ACER1: variants seen among roughly 807,000 people sequenced by gnomAD.
ACER1 encodes alkaline ceramidase 1.
ACER1 carries 28 observed loss-of-function variants against 24.9 expected under a neutral mutation model. That is an observed-to-expected ratio of 1.13 (90% confidence interval 0.83 to 1.54). The LOEUF (loss-of-function observed/expected upper bound fraction) is 1.54, where lower values mean the gene tolerates loss of function less well. Among genes scored for constraint, ACER1 ranks in the 40% most tolerant of loss-of-function variants. ACER1 has a pLI of 0.00. For synonymous variants in ACER1, 132 were observed against 131.4 expected (o/e 1.00, Z -0.03); for missense variants, 352 against 349.3 (o/e 1.01, Z -0.06).
At chr19:6,353,632 C>T in the ACER1 span, among the ~76,000 whole-genome samples, 1 of 151,740 alleles carries the variant, frequency 6.6e-6, no homozygotes, top group Non-Finnish European at 1.5e-5. Context: ...TCAAGACCAG[C>T]TTGACCAACA....
chr19:6,312,310 C>A lies in ACER1; in HGVS notation c.209-20G>T. On this transcript the variant is annotated intron_variant, in intron 2 of 5. Transcript: ENST00000301452. ...ACAGGCCTGCAGCGGCAAGGGCAGG[C>A]GGTCAGTGGGGTCCGCCACCTCCTA... 1 of 1,613,658 alleles carries A rather than the reference C, an allele frequency of 6.2e-7. No homozygotes were observed. The highest frequency in any genetic ancestry group is 8.5e-7 in the Non-Finnish European group (1 of 1,179,742).
the ACER1 span, among the ~76,000 whole-genome samples, chr19:6,357,712 G>A: frequency 1.3e-5 from 2 of 151,266 alleles, no homozygotes; most frequent in Admixed American, 6.6e-5. Flanking sequence ...TCAGTGAGCC[G>A]AGATCGCTTC....
intron 3 of ACER1, among the ~76,000 whole-genome samples, chr19:6,310,717 A>G (rs1295476729): frequency 6.6e-6 from 1 of 151,810 alleles, no homozygotes; most frequent in Non-Finnish European, 1.5e-5. Flanking sequence ...TGTCTCTACC[A>G]AAAATACAAA....
chr19:6,331,794 AAAACAAAC>A (rs142722083), intron 1 of ACER1, among the ~76,000 whole-genome samples: 4,427 of 151,538 alleles, frequency 0.029, 219 homozygotes, highest in African/African-American at 0.1. Flanking sequence ...ACTCCGTTTC[AAAACAAAC>A]AAACAAACAA....
chr19:6,325,957 G>C (rs1373711386), intron 1 of ACER1, among the ~76,000 whole-genome samples: 1 of 151,384 alleles, frequency 6.6e-6, no homozygotes, highest in Non-Finnish European at 1.5e-5. Flanking sequence ...TGTTGTTTTT[G>C]TTTTTGTTTT....
chr19:6,308,399 C>T (rs761053434), intron 4 of ACER1, among the ~76,000 whole-genome samples: 10 of 145,106 alleles, frequency 6.9e-5, no homozygotes, highest in Admixed American at 5.0e-4. Flanking sequence ...CGCACCATTG[C>T]ACTCCAGCCT....
At chr19:6,350,154 G>A in the ACER1 span, among the ~76,000 whole-genome samples, 1 of 151,548 alleles carries the variant, frequency 6.6e-6, no homozygotes, top group Non-Finnish European at 1.5e-5. Context: ...AAGGAAAGAA[G>A]GGAAGGGAAG....
In ACER1 at chr19:6,312,501, T is replaced by C; in HGVS notation, c.94-2A>G. The C allele has an allele frequency of 1.2e-6, 2 of 1,612,120 alleles. No homozygotes were observed. Among genetic ancestry groups the C allele is most frequent in the Non-Finnish European group, 1.7e-6 (2 of 1,178,576 alleles). On this transcript the variant is annotated splice_acceptor_variant, in intron 1 of 5. Transcript: ENST00000301452. LOFTEE classifies it high-confidence loss of function. ...GATGAAGAAGGGGATATTGGAGAAC[T>C]GGAGCAGAGAGAGCCATAGGGAGGA... is the stretch of plus-strand genomic sequence containing the variant.
chr19:6,360,012 T>C, the ACER1 span, among the ~76,000 whole-genome samples: 3 of 152,300 alleles, frequency 2.0e-5, no homozygotes, highest in Non-Finnish European at 4.4e-5. Flanking sequence ...AAAAAGAATC[T>C]GGCTTGAGAA....
intron 1 of ACER1, among the ~76,000 whole-genome samples, chr19:6,317,059 C>T (rs1399187618): frequency 2.7e-5 from 4 of 148,772 alleles, no homozygotes; most frequent in East Asian, 4.2e-4. Context: ...CTGCAACCTC[C>T]GCATCCTGGG....
the ACER1 span, among the ~76,000 whole-genome samples, chr19:6,340,470 A>T: frequency 1.3e-5 from 2 of 152,114 alleles, no homozygotes; most frequent in Admixed American, 1.3e-4. Flanking sequence ...TCCGCTTCCC[A>T]GGTGGACCAG....
At chr19:6,341,790 G>A in the ACER1 span, among the ~76,000 whole-genome samples, 103 of 152,036 alleles carry the variant, frequency 6.8e-4, no homozygotes, top group African/African-American at 2.4e-3. Context: ...CACCATGCCC[G>A]GCTAATTTTT....
the ACER1 span, among the ~76,000 whole-genome samples, chr19:6,339,226 T>C: frequency 3.9e-5 from 6 of 152,158 alleles, no homozygotes; most frequent in South Asian, 1.2e-3. Flanking sequence ...AATTAATACA[T>C]GAATGGATAA....
At chr19:6,323,365 G>A (rs1330805339) in intron 1 of ACER1, among the ~76,000 whole-genome samples, 1 of 151,190 alleles carries the variant, frequency 6.6e-6, no homozygotes, top group Non-Finnish European at 1.5e-5. Flanking sequence ...AGCCTGCAGT[G>A]AGCAGAGATC....
chr19:6,331,392 A>AC lies in ACER1; in HGVS notation c.93+2066dup, dbSNP rs1210502872. On this transcript the variant is annotated intron_variant, in intron 1 of 5. Transcript: ENST00000301452. ...TCTTGACCTCTTGACCTCATGATCC[A>AC]CCCCCCTCGGCCTCCCAAAGTGCTG... Among the ~76,000 whole-genome samples the AC allele has an allele frequency of 1.0e-4, 14 of 138,794 alleles. No individual in the cohort carries two copies. The East Asian group carries it at 2.9e-3, about 28-fold the overall frequency. The allele number at this position is 138,794 out of a possible 152,430, so 91.1% of individuals were successfully genotyped here. A position where few individuals can be genotyped will look rare whatever the true frequency, so the allele number is the denominator to read the frequency against.
chr19:6,347,086 T>C, the ACER1 span, among the ~76,000 whole-genome samples: 1 of 96,970 alleles, frequency 1.0e-5, no homozygotes, highest in Non-Finnish European at 1.7e-5. Flanking sequence ...ACACCACGAG[T>C]CCCTGTCTCT....
chr19:6,358,984 C>G, the ACER1 span, among the ~76,000 whole-genome samples: 3 of 148,300 alleles, frequency 2.0e-5, no homozygotes, highest in Non-Finnish European at 4.4e-5. Context: ...CATGTCTCAG[C>G]AGTTTGGAAG....
At chr19:6,324,207 G>T (rs1173851836) in intron 1 of ACER1, among the ~76,000 whole-genome samples, 2 of 151,650 alleles carry the variant, frequency 1.3e-5, no homozygotes, top group African/African-American at 4.8e-5. Flanking sequence ...ACCACGCCTG[G>T]CTATTTTTGT....
intron 1 of ACER1, among the ~76,000 whole-genome samples, chr19:6,324,314 G>C (rs2091647808): frequency 6.7e-6 from 1 of 150,060 alleles, no homozygotes; most frequent in Admixed American, 6.6e-5. Flanking sequence ...ACAGTGCTGG[G>C]ATTACAGGCA....
Sources: allele counts gnomAD v4.1 joint callset (sites outside exome capture counted in the v4.1 genomes callset), GRCh38; gene constraint gnomAD v4.1.1; transcripts MANE v1.5; gene names NCBI Gene and HGNC (gene_info 2026-07-23, HGNC 2026-07-21).